The following TENM3 variants were observed in gnomAD, a reference collection of about 807,000 sequenced individuals.
TENM3 encodes teneurin-3.
A neutral mutation model predicts 255.1 loss-of-function variants in TENM3; 63 were observed. That is an observed-to-expected ratio of 0.25 (90% CI 0.20 to 0.30). The LOEUF is 0.30. Ranked by LOEUF, TENM3 falls within the 10% of genes least tolerant of loss-of-function variation. The pLI is 1.00. For synonymous variants in TENM3, 1,306 were observed against 1,322.3 expected, an observed-to-expected ratio of 0.99 and a Z score of 0.27; for missense variants, 2,929 against 3,461.1, an observed-to-expected ratio of 0.85 and a Z score of 3.86.
chr4:182,000,442 A>C, the TENM3 span, among the ~76,000 whole-genome samples: 1 of 152,086 alleles, frequency 6.6e-6, no homozygotes, highest in South Asian at 2.1e-4. Context: ...AAGCAGGAAA[A>C]GCACTTTCCA....
the TENM3 span, among the ~76,000 whole-genome samples, chr4:181,998,999 A>T: frequency 6.6e-6 from 1 of 152,182 alleles, no homozygotes; most frequent in Non-Finnish European, 1.5e-5. Context: ...GAAATACTAC[A>T]TGTAAAGCAG....
At chr4:181,524,163 T>G in the TENM3 span, among the ~76,000 whole-genome samples, 31 of 152,304 alleles carry the variant, frequency 2.0e-4, no homozygotes, top group South Asian at 6.0e-3. Context: ...TTCCCGTGAT[T>G]TCCGTGGTTT....
At chr4:182,444,457 T>G (rs1056723294) in intron 3 of TENM3, among the ~76,000 whole-genome samples, 3 of 152,186 alleles carry the variant, frequency 2.0e-5, no homozygotes, top group Admixed American at 6.5e-5. Context: ...AAGGTATAAT[T>G]TTTAAGAGTC....
At chr4:182,630,722 T>C (rs1200813215) in intron 5 of TENM3, among the ~76,000 whole-genome samples, 3 of 151,874 alleles carry the variant, frequency 2.0e-5, no homozygotes, top group Non-Finnish European at 2.9e-5. Context: ...AAAAAGAATA[T>C]GTGTTTGTTG....
At chr4:182,420,510 G>A (rs1025318817) in intron 3 of TENM3, among the ~76,000 whole-genome samples, 4 of 152,196 alleles carry the variant, frequency 2.6e-5, no homozygotes, top group African/African-American at 9.7e-5. Flanking sequence ...GAAATGACAA[G>A]TTTTGTCAGG....
the TENM3 span, among the ~76,000 whole-genome samples, chr4:181,799,560 CT>C: frequency 1.3e-5 from 2 of 152,168 alleles, no homozygotes; most frequent in African/African-American, 4.8e-5. Context: ...CTGTTATAAA[CT>C]TTTATAAAAT....
the TENM3 span, among the ~76,000 whole-genome samples, chr4:181,471,990 G>T: frequency 6.6e-6 from 1 of 152,074 alleles, no homozygotes; most frequent in Non-Finnish European, 1.5e-5. Flanking sequence ...GTGTCCTTAT[G>T]TGTCATTTTT....
the TENM3 span, among the ~76,000 whole-genome samples, chr4:182,126,623 G>A: frequency 0.43 from 64,633 of 151,984 alleles, 14,054 homozygotes; most frequent in African/African-American, 0.51. Flanking sequence ...ACTGGACTCT[G>A]AGCCAGACTT....
At chr4:181,659,534 T>C in the TENM3 span, among the ~76,000 whole-genome samples, 2 of 152,212 alleles carry the variant, frequency 1.3e-5, no homozygotes, top group Admixed American at 1.3e-4. Context: ...ACCAATTTTC[T>C]CAGTGCATTT....
chr4:181,966,511 T>C, the TENM3 span, among the ~76,000 whole-genome samples: 5 of 152,142 alleles, frequency 3.3e-5, no homozygotes, highest in Non-Finnish European at 7.3e-5. Context: ...AAAAATCCAT[T>C]CAAGATTTCA....
At chr4:181,560,481 G>T in the TENM3 span, among the ~76,000 whole-genome samples, 6 of 152,108 alleles carry the variant, frequency 3.9e-5, no homozygotes, top group Admixed American at 3.9e-4. Flanking sequence ...ACTAGAGAAG[G>T]GTATCGGTGA....
chr4:181,729,101 A>G, the TENM3 span, among the ~76,000 whole-genome samples: 4 of 152,206 alleles, frequency 2.6e-5, no homozygotes, highest in Non-Finnish European at 5.9e-5. Context: ...GAAAATACAT[A>G]TGTAATTATT....
At chr4:181,925,324 G>T in the TENM3 span, among the ~76,000 whole-genome samples, 4 of 152,264 alleles carry the variant, frequency 2.6e-5, no homozygotes, top group Non-Finnish European at 1.5e-5. Context: ...TATTGTAAAT[G>T]CAAAGCACAA....
intron 3 of TENM3, among the ~76,000 whole-genome samples, chr4:182,595,339 C>T (rs970678442): frequency 2.0e-5 from 3 of 151,972 alleles, no homozygotes; most frequent in Non-Finnish European, 4.4e-5. Flanking sequence ...TACCCTGTAT[C>T]CAATAGCTCG....
At chr4:182,728,295 C>T (rs1368539067) in intron 13 of TENM3, among the ~76,000 whole-genome samples, 1 of 152,206 alleles carries the variant, frequency 6.6e-6, no homozygotes, top group African/African-American at 2.4e-5. Context: ...ATCATACACA[C>T]TTACTGTGCT....
chr4:182,328,982 C>A (rs1409593323), intron 2 of TENM3, among the ~76,000 whole-genome samples: 1 of 152,134 alleles, frequency 6.6e-6, no homozygotes, highest in African/African-American at 2.4e-5. Context: ...AGATGCTAGA[C>A]CTGCCCCTTA....
intron 12 of TENM3, 50 bp from the exon 13 acceptor site, chr4:182,714,037 C>T (rs1352030471): frequency 1.3e-6 from 2 of 1,568,230 alleles, no homozygotes; most frequent in East Asian, 2.2e-5. Flanking sequence ...ATTTTAGGTG[C>T]AAAAACTCAA....
chr4:182,260,547 A>G (rs1241300328), intron 1 of TENM3, among the ~76,000 whole-genome samples: 3 of 152,240 alleles, frequency 2.0e-5, no homozygotes. Flanking sequence ...AGAATTATAC[A>G]GTTGGGGACA....
At position 182,166,564 on chromosome 4, in the gene TENM3, C is replaced by T. The variant is rs765080938; in HGVS notation, c.-76+21810C>T. Among the ~76,000 whole-genome samples, 3 of 152,258 alleles carry T rather than the reference C, an allele frequency of 2.0e-5. No homozygotes were observed. In the East Asian group the frequency reaches 5.8e-4, roughly 29 times the overall value. On this transcript the variant is annotated intron_variant, in intron 1 of 2. Coordinates refer to the TENM3 transcript ENST00000512480. The stretch of plus-strand genomic sequence containing the variant: ...CTACATCACATTTAGCAAAATTGCC[C>T]ATAGTATGCAGGTAATATTTTGAGT...
Sources: allele counts gnomAD v4.1 joint callset (sites outside exome capture counted in the v4.1 genomes callset), GRCh38; gene constraint gnomAD v4.1.1; transcripts MANE v1.5; gene names NCBI Gene and HGNC (gene_info 2026-07-23, HGNC 2026-07-21).